The following TBC1D30 variants were observed in gnomAD, a reference collection of about 807,000 sequenced individuals.
The protein encoded by TBC1D30 is TBC1 domain family, member 30.
In TBC1D30, 31 loss-of-function variants were observed where a neutral mutation model predicts 63.2. That is an observed-to-expected ratio of 0.49 (90% confidence interval 0.37 to 0.66). The LOEUF is 0.66. TBC1D30 is among the 30% of genes least tolerant of loss of function. The pLI is 0.00. For missense variants in TBC1D30, 810 were observed against 953.6 expected, an observed-to-expected ratio of 0.85 and a Z score of 1.98; for synonymous variants, 307 against 361.5, an observed-to-expected ratio of 0.85 and a Z score of 1.71.
chr12:64,878,252 A>G lies in TBC1D30; in HGVS notation c.*2464A>G. The G allele has an allele frequency of 3.0e-6, 1 of 328,068 alleles. No individual in the cohort carries two copies. The highest frequency in any genetic ancestry group is 2.6e-5 in the South Asian group (1 of 38,660). The allele number at this position is 328,068 out of a possible 1,614,324, so 20.3% of individuals were successfully genotyped here. ...AATCACAATGTGAATTGGTCAATTT[A>G]TGAGCCTTGCCTACTTTAGAAAATA... On this transcript the variant is annotated 3_prime_UTR_variant, in exon 12 of 12. Coordinates refer to ENST00000539867, the MANE Select transcript of TBC1D30 (RefSeq NM_015279.2).
Position 64,817,228 on chromosome 12 carries a change from G to A in TBC1D30, c.644-10607G>A, listed in dbSNP as rs149085242. Among the ~76,000 whole-genome samples the A allele has an allele frequency of 3.4e-3, 512 of 152,248 alleles. 5 individuals are homozygous for A. Among genetic ancestry groups the A allele is most frequent in the African/African-American group, 0.012 (488 of 41,532 alleles). On this transcript the variant is annotated intron_variant, in intron 2 of 12. Coordinates refer to the TBC1D30 transcript ENST00000542120. ...GACCTCTGGGATGACTGCTCACAGCGCCATTTTAGCCTCTAGTGCAGCAAC... is the reference window on the plus strand; with the variant it reads ...GACCTCTGGGATGACTGCTCACAGCACCATTTTAGCCTCTAGTGCAGCAAC...
chr12:64,776,089 GAT>G (rs1871070484), upstream of TBC1D30, among the ~76,000 whole-genome samples: 1 of 152,172 alleles, frequency 6.6e-6, no homozygotes. Context: ...TGAGAACAAA[GAT>G]ATGACATACC....
intron 2 of TBC1D30, among the ~76,000 whole-genome samples, chr12:64,788,849 C>G (rs1159098482): frequency 1.3e-5 from 2 of 152,144 alleles, no homozygotes; most frequent in Non-Finnish European, 2.9e-5. Context: ...TTATTACTTT[C>G]ATCACAGGAT....
chr12:64,875,967 TC>T lies in TBC1D30; in HGVS notation c.*182del. The T allele has an allele frequency of 1.8e-6, 1 of 559,976 alleles. No homozygotes were observed. Among genetic ancestry groups the T allele is most frequent in the Non-Finnish European group, 2.9e-6 (1 of 340,094 alleles). The allele number at this position is 559,976 out of a possible 1,614,324, so 34.7% of individuals were successfully genotyped here. Reference sequence around the variant, plus strand: ...AATAGGAGTTAGAACAGGGCTGTTTTCCCAGCTACTTGCTAACTGACGAAGT... The same window carrying T: ...AATAGGAGTTAGAACAGGGCTGTTTTCCAGCTACTTGCTAACTGACGAAGT... On this transcript the variant is annotated 3_prime_UTR_variant, in exon 12 of 12. Transcript: ENST00000539867.
At chr12:64,785,854 G>GA (rs1565640993) in intron 1 of TBC1D30, 1 of 1,281,022 alleles carries the variant, frequency 7.8e-7, no homozygotes, top group South Asian at 1.2e-5. Flanking sequence ...GGTATTAATC[G>GA]TTATTCTTAT....
intron 2 of TBC1D30, among the ~76,000 whole-genome samples, chr12:64,815,054 T>C (rs1254175121): frequency 1.3e-5 from 2 of 152,362 alleles, no homozygotes; most frequent in East Asian, 1.9e-4. Flanking sequence ...TTCCTTTTCA[T>C]GTAGATGCTG....
chr12:64,856,922 T>G (rs1877352953), intron 8 of TBC1D30, among the ~76,000 whole-genome samples: 1 of 151,996 alleles, frequency 6.6e-6, no homozygotes, highest in African/African-American at 2.4e-5. Context: ...AATGTTTGCT[T>G]AAAGCCCAAG....
rs1013460023 is a variant in TBC1D30, at chr12:64,870,758, G to T, written c.1448G>T (p.Arg483Leu). 1.3e-6 allele frequency: 2 copies of T among 1,535,998 alleles called. No individual in the cohort carries two copies. The highest frequency in any genetic ancestry group is 1.4e-5 in the African/African-American group (1 of 73,120). The change falls in exon 11 of 12, where the codon CGA (arginine) becomes CTA (leucine). Residue 483 changes from arginine to leucine, a missense_variant. Coordinates refer to ENST00000539867, the MANE Select transcript of TBC1D30 (RefSeq NM_015279.2). ...DINALKRQYSRIKKKQQQQVH... is the reference protein window; with the variant it reads ...DINALKRQYSLIKKKQQQQVH... ...AATGCACTGAAGCGGCAGTACTCTC[G>T]AATTAAAAAGAAGCAACAGCAGCAG...
At chr12:64,813,893 G>A (rs533201448) in intron 2 of TBC1D30, among the ~76,000 whole-genome samples, 2 of 152,272 alleles carry the variant, frequency 1.3e-5, no homozygotes, top group South Asian at 4.1e-4. Context: ...GCTGCAGGCA[G>A]GGGAGGAGAG....
chr12:64,874,450 G>A (rs185191103), intron 11 of TBC1D30, among the ~76,000 whole-genome samples: 58 of 152,312 alleles, frequency 3.8e-4, no homozygotes, highest in African/African-American at 1.3e-3. Flanking sequence ...TGAGGACACA[G>A]GAGTGGTTTT....
chr12:64,803,463 A>G (rs1038826928), intron 2 of TBC1D30, among the ~76,000 whole-genome samples: 1 of 152,138 alleles, frequency 6.6e-6, no homozygotes, highest in Non-Finnish European at 1.5e-5. Flanking sequence ...GTTCACTCTG[A>G]TGGTAGTTTC....
chr12:64,878,770 C>G lies in TBC1D30; in HGVS notation c.*2982C>G, dbSNP rs1879263996. 1 of 315,080 alleles carries G rather than the reference C, an allele frequency of 3.2e-6. No homozygotes were observed. The highest frequency in any genetic ancestry group is 2.8e-5 in the South Asian group (1 of 35,730). 19.5% of individuals were successfully genotyped at this position (315,080 alleles called of 1,614,324 possible). Reference sequence around the variant, plus strand: ...AGGGAAACAGCCCAATAAGCTCTATCTCCCCCAGTCTAATCGCTGGGTTGC... The same window carrying G: ...AGGGAAACAGCCCAATAAGCTCTATGTCCCCCAGTCTAATCGCTGGGTTGC... On this transcript the variant is annotated 3_prime_UTR_variant, in exon 12 of 12. Coordinates refer to ENST00000539867, the MANE Select transcript of TBC1D30 (RefSeq NM_015279.2).
intron 11 of TBC1D30, 109 bp downstream of exon 11, chr12:64,870,917 A>G (rs2136476881): frequency 5.8e-6 from 6 of 1,026,796 alleles, no homozygotes; most frequent in South Asian, 4.4e-5. Context: ...CTCAGTATCC[A>G]TCAACACAGC....
At chr12:64,764,680 T>A (rs1286483520) in intron 1 of TBC1D30, among the ~76,000 whole-genome samples, 1 of 152,208 alleles carries the variant, frequency 6.6e-6, no homozygotes, top group African/African-American at 2.4e-5. Flanking sequence ...TTGCTAACTT[T>A]GGGTGGACAG....
At chr12:64,802,264 A>G (rs1164212425) in intron 2 of TBC1D30, among the ~76,000 whole-genome samples, 5 of 152,068 alleles carry the variant, frequency 3.3e-5, no homozygotes, top group African/African-American at 1.2e-4. Context: ...ATCTTTCCCA[A>G]AAAGCTTTGG....
At chr12:64,780,052 GTA>G (rs1871189791), upstream of TBC1D30, among the ~76,000 whole-genome samples, 1 of 152,156 alleles carries the variant, frequency 6.6e-6, no homozygotes, top group Admixed American at 6.5e-5. Context: ...CTCAATTAAT[GTA>G]TCAGTTCGGT....
At chr12:64,770,010 AC>A (rs1870848787) in intron 1 of TBC1D30, among the ~76,000 whole-genome samples, 1 of 152,320 alleles carries the variant, frequency 6.6e-6, no homozygotes, top group Admixed American at 6.5e-5. Flanking sequence ...ATGGCTTCAA[AC>A]TTTTATACGA....
rs191668863 is a variant in TBC1D30 at position 64,827,931 on chromosome 12, G to T, written c.216+35G>T. ...ATTTTGAAAACACTCTTCTTTTGGGGTTACCAACAGGGCACATTGAGATAT... is the reference window on the plus strand; with the variant it reads ...ATTTTGAAAACACTCTTCTTTTGGGTTTACCAACAGGGCACATTGAGATAT... On this transcript the variant is annotated intron_variant, in intron 2 of 11. Transcript: ENST00000539867. 154 of 1,407,206 alleles carry T rather than the reference G, an allele frequency of 1.1e-4. No individual in the cohort carries two copies. In the East Asian group the frequency reaches 3.4e-3, roughly 31 times the overall value. 87.2% of individuals were successfully genotyped at this position (1,407,206 alleles called of 1,614,324 possible). A position where few individuals can be genotyped will look rare whatever the true frequency, so the allele number is the denominator to read the frequency against.
exon 1 of TBC1D30, chr12:64,780,903 A>T: frequency 9.7e-7 from 1 of 1,032,180 alleles, no homozygotes; most frequent in Non-Finnish European, 1.2e-6. Context: ...GAGAGTCAGG[A>T]GGAAGAAACG....
Sources: allele counts gnomAD v4.1 joint callset (sites outside exome capture counted in the v4.1 genomes callset), GRCh38; gene constraint gnomAD v4.1.1; transcripts MANE v1.5; gene names NCBI Gene and HGNC (gene_info 2026-07-23, HGNC 2026-07-21).